OR9G1: variants seen among roughly 807,000 people sequenced by gnomAD.
OR9G1 encodes the protein olfactory receptor 9G1.
In OR9G1, 21 loss-of-function variants were observed where a neutral mutation model predicts 14.5. The observed-to-expected ratio is 1.45, with a 90% CI of 1.03 to 2.09. OR9G1 has a LOEUF of 2.09. Ranked by LOEUF, OR9G1 falls within the 30% of genes most tolerant of loss-of-function variation. The probability of loss-of-function intolerance (pLI) is 0.00; values close to 1 mark genes in which losing one functional copy is unlikely to be tolerated. For synonymous variants in OR9G1, 179 were observed against 153.3 expected, an observed-to-expected ratio of 1.17 and a Z score of -1.24; for missense variants, 476 against 364.2, an observed-to-expected ratio of 1.31 and a Z score of -2.50.
chr11:56,700,802 C>T lies in OR9G1; in HGVS notation c.415C>T (p.Leu139=). 6.2e-7 allele frequency: 1 copy of T among 1,614,320 alleles called. No individual in the cohort carries two copies. The highest frequency in any genetic ancestry group is 8.5e-7 in the Non-Finnish European group (1 of 1,180,062). ...LLYAQAMSIK[L]CALLVAVSYC... is the part of the protein sequence containing the mutation. ...TTATGCCCAGGCCATGTCCATAAAG[C>T]TGTGTGCATTGCTGGTAGCAGTCTC... The change falls in exon 2 of 2, where the codon CTG becomes TTG. Residue 139 remains leucine, a synonymous_variant. Coordinates refer to ENST00000642097, the MANE Select transcript of OR9G1 (RefSeq NM_001005213.2).
Position 56,700,797 on chromosome 11 carries a change from T to TA in OR9G1, c.413dup (p.Leu139AlafsTer16). The TA allele has an allele frequency of 6.2e-7, 1 of 1,614,318 alleles. No individual in the cohort carries two copies. The highest frequency in any genetic ancestry group is 8.5e-7 in the Non-Finnish European group (1 of 1,180,058). On this transcript the variant is annotated frameshift_variant, in exon 2 of 2. Transcript: ENST00000642097. LOFTEE classifies it high-confidence loss of function. The stretch of plus-strand genomic sequence containing the variant: ...CTGCTTTATGCCCAGGCCATGTCCA[T>TA]AAAGCTGTGTGCATTGCTGGTAGCA...
At position 56,700,863 on chromosome 11, in the gene OR9G1, C is replaced by G; in HGVS notation, c.476C>G (p.Thr159Ser). The G allele has an allele frequency of 6.2e-7, 1 of 1,614,252 alleles. No individual in the cohort carries two copies. Among genetic ancestry groups the G allele is most frequent in the Non-Finnish European group, 8.5e-7 (1 of 1,180,002 alleles). Residue 159 changes from threonine (T) to serine (S), a missense_variant, in exon 2 of 2, where the codon ACC becomes AGC. By Grantham distance (58) the Thr-to-Ser change is moderately conservative. Transcript: ENST00000642097. ...GGCTTTATTAACTCTTCAATCATCA[C>G]CAAGAAAACGTTTTCCTTTAACTTC... ...CGGFINSSII[T>S]KKTFSFNFCR...
In OR9G1 at chr11:56,701,434, G is replaced by T; in HGVS notation, c.*129G>T. ...CTTGACACGTGAGAGTTACAGACAT[G>T]TACAATAAGAAAATTAGGAAAATTT... is the stretch of plus-strand genomic sequence containing the variant. On this transcript the variant is annotated 3_prime_UTR_variant, in exon 2 of 2. Transcript: ENST00000642097. The T allele has an allele frequency of 7.9e-7, 1 of 1,263,778 alleles. No individual in the cohort carries two copies. The highest frequency in any genetic ancestry group is 1.7e-5 in the South Asian group (1 of 58,188). 78.3% of individuals were successfully genotyped at this position (1,263,778 alleles called of 1,614,324 possible). A position where few individuals can be genotyped will look rare whatever the true frequency, so the allele number is the denominator to read the frequency against.
Position 56,701,105 on chromosome 11 carries a change from T to C in OR9G1, c.718T>C (p.Cys240Arg). Residue 240 changes from cysteine (C) to arginine (R), a missense_variant, in exon 2 of 2, where the codon TGC (cysteine) becomes CGC (arginine). This residue lies in a region of OR9G1 where 352 missense variants were observed against 211.6 expected (regional missense o/e 1.66). Transcript: ENST00000642097. ...SKGYLKAFST[C>R]SSHLTSVTLY... ...GGGCTACCTCAAAGCCTTCTCCACA[T>C]GCTCCTCCCACCTGACCTCTGTCAC... is the stretch of plus-strand genomic sequence containing the variant. 1 of 1,614,302 alleles carries C rather than the reference T, an allele frequency of 6.2e-7. No homozygotes were observed. The highest frequency in any genetic ancestry group is 8.5e-7 in the Non-Finnish European group (1 of 1,180,046).
In OR9G1 at chr11:56,701,195, G is replaced by A. The variant is rs770913596; in HGVS notation, c.808G>A (p.Asp270Asn). 5 of 1,614,188 alleles carry A rather than the reference G, an allele frequency of 3.1e-6. No individual in the cohort carries two copies. Among genetic ancestry groups the A allele is most frequent in the East Asian group, 2.2e-5 (1 of 44,908 alleles). The change falls in exon 2 of 2, where the codon GAC (aspartate) becomes AAC (asparagine). Residue 270 changes from aspartate to asparagine, a missense_variant. Physicochemically the swap from Asp to Asn is conservative, Grantham distance 23 (BLOSUM62 1). Coordinates refer to ENST00000642097, the MANE Select transcript of OR9G1 (RefSeq NM_001005213.2). ...CAGATCTAGCTATTCTTTTGATATG[G>A]ACAAAATAGTTTCTACATTTTACAC... is the stretch of plus-strand genomic sequence containing the variant. Reference protein sequence around the residue: ...LPRSSYSFDMDKIVSTFYTVV... With the variant: ...LPRSSYSFDMNKIVSTFYTVV...
At position 56,700,413 on chromosome 11, in the gene OR9G1, C is replaced by T; in HGVS notation, c.26C>T (p.Thr9Ile). The T allele has an allele frequency of 6.2e-7, 1 of 1,614,292 alleles. No individual in the cohort carries two copies. Among genetic ancestry groups the T allele is most frequent in the Non-Finnish European group, 8.5e-7 (1 of 1,180,054 alleles). The part of the protein sequence containing the change: MQRSNHTV[T>I]EFILLGFTTD... ...ATGCAGAGGAGCAATCATACAGTGA[C>T]TGAGTTTATACTGCTGGGCTTCACC... The change falls in exon 2 of 2, where the codon ACT (threonine) becomes ATT (isoleucine). Residue 9 changes from threonine to isoleucine, a missense_variant. Around this residue, in one of 3 missense-constraint regions of OR9G1, gnomAD observed 89 missense variants for 85.1 expected, o/e 1.05. Coordinates refer to ENST00000642097, the MANE Select transcript of OR9G1 (RefSeq NM_001005213.2).
chr11:56,701,616 A>T lies in OR9G1; in HGVS notation c.*311A>T. On this transcript the variant is annotated 3_prime_UTR_variant, in exon 2 of 2. Coordinates refer to ENST00000642097, the MANE Select transcript of OR9G1 (RefSeq NM_001005213.2). Reference sequence around the variant, plus strand: ...CCTAAGATTTGGCTAACTGATACATATAGAAGAGTATCTATATAGTTCCTA... The same window carrying T: ...CCTAAGATTTGGCTAACTGATACATTTAGAAGAGTATCTATATAGTTCCTA... 4.6e-6 allele frequency: 1 copy of T among 215,270 alleles called. No individual in the cohort carries two copies. The highest frequency in any genetic ancestry group is 8.3e-6 in the Non-Finnish European group (1 of 120,668). The allele number at this position is 215,270 out of a possible 1,614,324, so 13.3% of individuals were successfully genotyped here. A position where few individuals can be genotyped will look rare whatever the true frequency, so the allele number is the denominator to read the frequency against.
rs1177419913 is a variant in OR9G1, at chr11:56,703,314, A to G, written c.*2009A>G. On this transcript the variant is annotated 3_prime_UTR_variant, in exon 2 of 2. Coordinates refer to ENST00000642097, the MANE Select transcript of OR9G1 (RefSeq NM_001005213.2). Reference sequence around the variant, plus strand: ...CATTACAAAGTAAGTGGGTGCAAGAAATAAAATCAATGCAAGTTGCAACAC... The same window carrying G: ...CATTACAAAGTAAGTGGGTGCAAGAGATAAAATCAATGCAAGTTGCAACAC... 6.6e-6 allele frequency: 1 copy of G among 152,298 alleles called. No homozygotes were observed. Among genetic ancestry groups the G allele is most frequent in the Non-Finnish European group, 1.5e-5 (1 of 68,054 alleles). 9.4% of individuals were successfully genotyped at this position (152,298 alleles called of 1,614,324 possible).
At chr11:56,700,029 C>T (rs1386733072) in intron 1 of OR9G1, among the ~76,000 whole-genome samples, 1 of 152,300 alleles carries the variant, frequency 6.6e-6, no homozygotes, top group Non-Finnish European at 1.5e-5. Flanking sequence ...ATTTTAAAGA[C>T]AAACAAGTGA....
chr11:56,701,087 C>A lies in OR9G1; in HGVS notation c.700C>A (p.Leu234Ile), dbSNP rs1403521837. Residue 234 changes from leucine to isoleucine, a missense_variant, in exon 2 of 2, where the codon CTC becomes ATC. Transcript: ENST00000642097. ...GAGGATCTCCTCCTCCAAGGGCTACCTCAAAGCCTTCTCCACATGCTCCTC... is the reference window on the plus strand; with the variant it reads ...GAGGATCTCCTCCTCCAAGGGCTACATCAAAGCCTTCTCCACATGCTCCTC... ...VLRISSSKGY[L>I]KAFSTCSSHL... The A allele has an allele frequency of 1.2e-6, 2 of 1,614,176 alleles. No individual in the cohort carries two copies. The highest frequency in any genetic ancestry group is 1.6e-4 in the Middle Eastern group (1 of 6,082).
Position 56,701,152 on chromosome 11 carries a change from C to T in OR9G1, c.765C>T (p.Leu255=), listed in dbSNP as rs773224993. 10 of 1,614,166 alleles carry T rather than the reference C, an allele frequency of 6.2e-6. No individual in the cohort carries two copies. The highest frequency in any genetic ancestry group is 7.6e-6 in the Non-Finnish European group (9 of 1,180,030). ...TSVTLYYGSI[L]YIYALPRSSY... ...TCACTTTATACTATGGCTCCATTCT[C>T]TACATCTACGCTCTCCCCAGATCTA... Residue 255 remains leucine, a synonymous_variant, in exon 2 of 2, where the codon CTC becomes CTT. Coordinates refer to ENST00000642097, the MANE Select transcript of OR9G1 (RefSeq NM_001005213.2).
In OR9G1 at chr11:56,701,338, GACGA is replaced by G; in HGVS notation, c.*34_*37del. ...TTATCTCCACCAGAGGAGAAACAAA[GACGA>G]CCTTAGATGGAGTGTTGTGTATTTC... On this transcript the variant is annotated 3_prime_UTR_variant, in exon 2 of 2. Transcript: ENST00000642097. 1.3e-6 allele frequency: 2 copies of G among 1,561,136 alleles called. No individual in the cohort carries two copies. The highest frequency in any genetic ancestry group is 1.7e-6 in the Non-Finnish European group (2 of 1,162,082).
In OR9G1 at chr11:56,702,463, G is replaced by C. The variant is rs796693948; in HGVS notation, c.*1158G>C. On this transcript the variant is annotated 3_prime_UTR_variant, in exon 2 of 2. Transcript: ENST00000642097. The stretch of plus-strand genomic sequence containing the variant: ...TAATTCTATTTTTAGTTTTTGGAGA[G>C]ACCTCTATATTGTTTTTCAAAATGG... The C allele has an allele frequency of 1.5e-5, 1 of 67,904 alleles. No individual in the cohort carries two copies. Among genetic ancestry groups the C allele is most frequent in the African/African-American group, 5.3e-5 (1 of 18,772 alleles). 4.2% of individuals were successfully genotyped at this position (67,904 alleles called of 1,614,324 possible). A position where few individuals can be genotyped will look rare whatever the true frequency, so the allele number is the denominator to read the frequency against.
In OR9G1 at chr11:56,700,463, C is replaced by T. The variant is rs769555188; in HGVS notation, c.76C>T (p.Leu26Phe). ...FTTDPGMQLGLFVVFLGVYSL... is the reference protein window; with the variant it reads ...FTTDPGMQLGFFVVFLGVYSL... ...CACAGACCCAGGAATGCAGCTGGGC[C>T]TCTTCGTGGTGTTCCTGGGCGTGTA... The change falls in exon 2 of 2, where the codon CTC becomes TTC. Residue 26 changes from leucine (L) to phenylalanine (F), a missense_variant. Transcript: ENST00000642097. 12 of 1,614,284 alleles carry T rather than the reference C, an allele frequency of 7.4e-6. No homozygotes were observed. The Admixed American group carries it at 1.0e-4, about 13-fold the overall frequency.
In OR9G1 at chr11:56,701,361, G is replaced by T. The variant is rs879271472; in HGVS notation, c.*56G>T. On this transcript the variant is annotated 3_prime_UTR_variant, in exon 2 of 2. Transcript: ENST00000642097. ...AAGACGACCTTAGATGGAGTGTTGT[G>T]TATTTCAAACAGAGTTACCATTGTG... 2.0e-4 allele frequency: 311 copies of T among 1,530,768 alleles called. No homozygotes were observed. The highest frequency in any genetic ancestry group is 3.5e-4 in the Middle Eastern group (2 of 5,716). 94.8% of individuals were successfully genotyped at this position (1,530,768 alleles called of 1,614,324 possible). A position where few individuals can be genotyped will look rare whatever the true frequency, so the allele number is the denominator to read the frequency against.
At position 56,701,426 on chromosome 11, in the gene OR9G1, A is replaced by T; in HGVS notation, c.*121A>T. 2 of 1,335,684 alleles carry T rather than the reference A, an allele frequency of 1.5e-6. No individual in the cohort carries two copies. The highest frequency in any genetic ancestry group is 2.0e-6 in the Non-Finnish European group (2 of 1,010,690). The allele number at this position is 1,335,684 out of a possible 1,614,324, so 82.7% of individuals were successfully genotyped here. A position where few individuals can be genotyped will look rare whatever the true frequency, so the allele number is the denominator to read the frequency against. On this transcript the variant is annotated 3_prime_UTR_variant, in exon 2 of 2. Coordinates refer to ENST00000642097, the MANE Select transcript of OR9G1 (RefSeq NM_001005213.2). ...GTCCCCTTCTTGACACGTGAGAGTT[A>T]CAGACATGTACAATAAGAAAATTAG...
Position 56,701,905 on chromosome 11 carries a change from T to C in OR9G1, c.*600T>C, listed in dbSNP as rs2135020757. Reference sequence around the variant, plus strand: ...ATCAAGATGCCATATATATGATTTTTGTAATTCACTGTATAACTCCCAGAG... The same window carrying C: ...ATCAAGATGCCATATATATGATTTTCGTAATTCACTGTATAACTCCCAGAG... On this transcript the variant is annotated 3_prime_UTR_variant, in exon 2 of 2. Transcript: ENST00000642097. 1 of 152,466 alleles carries C rather than the reference T, an allele frequency of 6.6e-6. No homozygotes were observed. The highest frequency in any genetic ancestry group is 2.1e-4 in the South Asian group (1 of 4,836). The allele number at this position is 152,466 out of a possible 1,614,324, so 9.4% of individuals were successfully genotyped here. A position where few individuals can be genotyped will look rare whatever the true frequency, so the allele number is the denominator to read the frequency against.
chr11:56,699,581 G>A (rs77206094), intron 1 of OR9G1, among the ~76,000 whole-genome samples: 3,765 of 151,704 alleles, frequency 0.025, no homozygotes, highest in Non-Finnish European at 0.042. Context: ...TCTTTACAGT[G>A]TAAGACAGAT....
In OR9G1 at chr11:56,700,617, C is replaced by T. The variant is rs765054948; in HGVS notation, c.230C>T (p.Thr77Ile). Residue 77 changes from threonine to isoleucine, a missense_variant, in exon 2 of 2, where the codon ACC (threonine) becomes ATC (isoleucine). Thr to Ile is a moderately conservative substitution (Grantham distance 89, BLOSUM62 -1). Coordinates refer to ENST00000642097, the MANE Select transcript of OR9G1 (RefSeq NM_001005213.2). ...FLDLWYSSVY[T>I]PKILVTCISE... ...GATCTCTGGTATTCTTCTGTCTACA[C>T]CCCAAAGATCCTAGTGACCTGCATC... is the stretch of plus-strand genomic sequence containing the variant. 1.2e-6 allele frequency: 2 copies of T among 1,614,302 alleles called. No individual in the cohort carries two copies. Among genetic ancestry groups the T allele is most frequent in the East Asian group, 2.2e-5 (1 of 44,896 alleles).
Sources: allele counts gnomAD v4.1 joint callset (sites outside exome capture counted in the v4.1 genomes callset), GRCh38; gene constraint gnomAD v4.1.1; regional missense constraint gnomAD v4.1.1; transcripts MANE v1.5; gene names NCBI Gene and HGNC (gene_info 2026-07-23, HGNC 2026-07-21).